Variants in RPTOR observed in about 807,000 individuals in gnomAD.
RPTOR encodes the protein regulatory associated protein of MTOR complex 1, also known as regulatory-associated protein of mTOR.
RPTOR carries 21 observed loss-of-function variants against 169.9 expected under a neutral mutation model. The observed-to-expected ratio is 0.12, with a 90% CI of 0.09 to 0.18. The LOEUF is 0.18. Ranked by LOEUF, RPTOR falls within the 10% of genes least tolerant of loss-of-function variation. The pLI is 1.00. For synonymous variants in RPTOR, 732 were observed against 753.2 expected (o/e 0.97, Z 0.46); for missense variants, 1,133 against 1,855.9 (o/e 0.61, Z 7.16).
At chr17:80,627,791 A>G (rs1277182713) in intron 2 of RPTOR, among the ~76,000 whole-genome samples, 1 of 151,520 alleles carries the variant, frequency 6.6e-6, no homozygotes, top group East Asian at 1.9e-4. Flanking sequence ...TCTGGTTAAT[A>G]TTTAGGACTG....
chr17:80,942,334 G>A (rs2069042234), intron 25 of RPTOR, among the ~76,000 whole-genome samples: 1 of 150,586 alleles, frequency 6.6e-6, no homozygotes, highest in East Asian at 1.9e-4. Flanking sequence ...TGATGCTCTG[G>A]CCTGGAGCCT....
chr17:80,629,206 G>A (rs60268947), intron 2 of RPTOR, among the ~76,000 whole-genome samples: 42,684 of 148,568 alleles, frequency 0.29, 6,325 homozygotes, highest in Middle Eastern at 0.36. Context: ...TTGCGCTGTC[G>A]GACATAGTAC....
At chr17:80,767,578 A>G (rs547070257) in intron 6 of RPTOR, among the ~76,000 whole-genome samples, 2 of 152,324 alleles carry the variant, frequency 1.3e-5, no homozygotes, top group East Asian at 1.9e-4. Context: ...CAACCATTCA[A>G]AGACAACCCC....
rs767341540 is a variant in RPTOR, at chr17:80,883,912, C to T, written c.1782C>T (p.Cys594=). Residue 594 remains cysteine (C), a synonymous_variant, in exon 16 of 34, where the codon TGC becomes TGT. Coordinates refer to ENST00000306801, the MANE Select transcript of RPTOR (RefSeq NM_020761.3). ...IWQNFDSARW[C]GVRDSAHEKL... ...AGAACTTCGACTCGGCGAGGTGGTG[C>T]GGCGTGAGGGACAGCGCTCATGAGA... 5.6e-6 allele frequency: 9 copies of T among 1,613,368 alleles called. No individual in the cohort carries two copies. Among genetic ancestry groups the T allele is most frequent in the East Asian group, 4.5e-5 (2 of 44,890 alleles).
intron 9 of RPTOR, among the ~76,000 whole-genome samples, chr17:80,829,379 C>T (rs769812450): frequency 4.6e-5 from 7 of 152,126 alleles, no homozygotes; most frequent in Admixed American, 6.5e-5. Flanking sequence ...CGGGGCTCTG[C>T]GGGGCGGTTT....
chr17:80,705,786 G>A (rs760401779), intron 3 of RPTOR, among the ~76,000 whole-genome samples: 9 of 152,040 alleles, frequency 5.9e-5, no homozygotes, highest in East Asian at 1.9e-4. Context: ...TCCTTCCACC[G>A]TGGCCTCCGA....
chr17:80,919,646 C>G (rs2143967084), intron 21 of RPTOR, among the ~76,000 whole-genome samples: 1 of 152,344 alleles, frequency 6.6e-6, no homozygotes, highest in South Asian at 2.1e-4. Flanking sequence ...GCAGCTGCAA[C>G]AGTCGGGGGT....
chr17:80,822,536 G>A (rs937868007), intron 8 of RPTOR, among the ~76,000 whole-genome samples: 5 of 152,222 alleles, frequency 3.3e-5, no homozygotes, highest in African/African-American at 1.2e-4. Flanking sequence ...GTCAGCGCTG[G>A]CCCTGACCGG....
At chr17:80,951,940 G>A (rs1017657042) in intron 28 of RPTOR, among the ~76,000 whole-genome samples, 11 of 152,180 alleles carry the variant, frequency 7.2e-5, no homozygotes, top group African/African-American at 1.2e-4. Flanking sequence ...AATGTGCCTC[G>A]TGTCCTTACA....
In RPTOR at chr17:80,651,501, C is replaced by T. The variant is rs144695575; in HGVS notation, c.348+7691C>T. On this transcript the variant is annotated intron_variant, in intron 3 of 33. Coordinates refer to ENST00000306801, the MANE Select transcript of RPTOR (RefSeq NM_020761.3). The surrounding 1 kb of genome is among the most constrained non-coding windows in gnomAD (Gnocchi z 4.1). ...TCTGTACAGCTCCCTCCCAAATGTC[C>T]GCGATTTACTTGTTGGTATGACACA... 3.7e-4 allele frequency among the ~76,000 whole-genome samples: 56 copies of T among 152,016 alleles called. No individual in the cohort carries two copies. Among genetic ancestry groups the T allele is most frequent in the African/African-American group, 1.1e-3 (47 of 41,384 alleles).
Position 80,959,464 on chromosome 17 carries a change from C to T in RPTOR, c.3478-614C>T, listed in dbSNP as rs2069305283. On this transcript the variant is annotated intron_variant, in intron 29 of 33. Transcript: ENST00000306801. This position sits in a 1 kb window ranked among gnomAD's most constrained non-coding sequence, Gnocchi z 6.7. ...CCCATCATCCCCACGCCTGTGTTTC[C>T]TCCTGGAGTGCACAACCCAGCACCG... Among the ~76,000 whole-genome samples the T allele has an allele frequency of 1.3e-5, 2 of 152,162 alleles. No homozygotes were observed. The highest frequency in any genetic ancestry group is 4.8e-5 in the African/African-American group (2 of 41,436).
At chr17:80,799,598 C>T (rs529066623) in intron 7 of RPTOR, among the ~76,000 whole-genome samples, 2 of 152,160 alleles carry the variant, frequency 1.3e-5, no homozygotes, top group East Asian at 1.9e-4. Context: ...ACTAGTGTGA[C>T]GAGTCACGTG....
chr17:80,877,613 T>C (rs548977951), intron 13 of RPTOR, among the ~76,000 whole-genome samples: 1 of 152,368 alleles, frequency 6.6e-6, no homozygotes, highest in African/African-American at 2.4e-5. Context: ...ATTTGACTTG[T>C]GGAACCTGTG....
intron 32 of RPTOR, 109 bp from the exon 33 acceptor site, chr17:80,962,819 G>A: frequency 6.5e-7 from 1 of 1,542,896 alleles, no homozygotes. Flanking sequence ...CCCCGAGCCA[G>A]CCTGTCCCCG....
chr17:80,618,635 G>T (rs933712404), intron 1 of RPTOR, among the ~76,000 whole-genome samples: 1 of 152,166 alleles, frequency 6.6e-6, no homozygotes, highest in Non-Finnish European at 1.5e-5. Context: ...GATTTTAAAA[G>T]CAGTGATACA....
At chr17:80,886,312 G>A (rs544992063) in intron 17 of RPTOR, among the ~76,000 whole-genome samples, 2 of 152,374 alleles carry the variant, frequency 1.3e-5, no homozygotes, top group South Asian at 4.1e-4. Context: ...ATTAGCCCAA[G>A]TCATGAGTAT....
Position 80,922,720 on chromosome 17 carries a change from CT to C in RPTOR, c.2521-3del, listed in dbSNP as rs778454035. 2 of 1,582,778 alleles carry C rather than the reference CT, an allele frequency of 1.3e-6. No homozygotes were observed. Among genetic ancestry groups the C allele is most frequent in the Non-Finnish European group, 1.7e-6 (2 of 1,167,652 alleles). On this transcript the variant is annotated splice_polypyrimidine_tract_variant and splice_region_variant and intron_variant, in intron 21 of 33. Transcript: ENST00000306801. Reference sequence around the variant, plus strand: ...CCTTCACACCCCCATTCCTTTGCCCCTAGGCCACCGTGAACGCCCGGCCGCA... The same window carrying C: ...CCTTCACACCCCCATTCCTTTGCCCCAGGCCACCGTGAACGCCCGGCCGCA...
intron 1 of RPTOR, among the ~76,000 whole-genome samples, chr17:80,621,624 G>A (rs765818778): frequency 2.6e-5 from 4 of 152,192 alleles, no homozygotes; most frequent in African/African-American, 4.8e-5. Flanking sequence ...TGGATTCCTC[G>A]CTGGGAGGGG....
At chr17:80,661,843 C>T (rs1043685124) in intron 3 of RPTOR, among the ~76,000 whole-genome samples, 4 of 152,100 alleles carry the variant, frequency 2.6e-5, no homozygotes, top group Admixed American at 6.6e-5. Flanking sequence ...CCGCGAGTCT[C>T]GTGGCATTTG....
Sources: allele counts gnomAD v4.1 joint callset (sites outside exome capture counted in the v4.1 genomes callset), GRCh38; gene constraint gnomAD v4.1.1; non-coding constraint Gnocchi (gnomAD v3.1); transcripts MANE v1.5; gene names NCBI Gene and HGNC (gene_info 2026-07-23, HGNC 2026-07-21).